Variants in HRH1 observed in about 807,000 individuals in gnomAD.
HRH1 encodes the protein histamine H1 receptor.
A neutral mutation model predicts 10.3 loss-of-function variants in HRH1; 6 were observed. That is an observed-to-expected ratio of 0.58 (90% confidence interval 0.32 to 1.15). The LOEUF is 1.15. Ranked by LOEUF, HRH1 falls within the 50% of genes most tolerant of loss-of-function variation. HRH1 has a pLI of 0.05. For missense variants in HRH1, 514 were observed against 615.3 expected, an observed-to-expected ratio of 0.84 and a Z score of 1.74; for synonymous variants, 242 against 236.7, an observed-to-expected ratio of 1.02 and a Z score of -0.21.
chr3:11,259,589 C>T lies in HRH1; in HGVS notation c.552C>T (p.Phe184=), dbSNP rs1446205896. ...VRREDKCETD[F]YDVTWFKVMT... ...GAGAGGACAAGTGTGAGACAGACTT[C>T]TATGATGTCACCTGGTTCAAGGTCA... Residue 184 remains phenylalanine, a synonymous_variant, in exon 2 of 2, where the codon TTC becomes TTT. Transcript: ENST00000431010. This position sits in a 1 kb window ranked among gnomAD's most constrained non-coding sequence, Gnocchi z 4.6. 7 of 1,614,026 alleles carry T rather than the reference C, an allele frequency of 4.3e-6. No individual in the cohort carries two copies. Among genetic ancestry groups the T allele is most frequent in the Non-Finnish European group, 5.9e-6 (7 of 1,180,030 alleles).
chr3:11,140,485 C>T (rs891399808), intron 1 of HRH1, among the ~76,000 whole-genome samples: 7 of 152,114 alleles, frequency 4.6e-5, no homozygotes, highest in Non-Finnish European at 1.0e-4. Context: ...CTATGTTCAC[C>T]TCTTTGCCCT....
intron 1 of HRH1, among the ~76,000 whole-genome samples, chr3:11,180,020 C>A (rs1303104537): frequency 1.3e-5 from 2 of 152,110 alleles, no homozygotes; most frequent in African/African-American, 4.8e-5. Flanking sequence ...GCCTTGGCCT[C>A]CCAAAGCGCT....
At chr3:11,243,103 G>A (rs754612954) in intron 1 of HRH1, among the ~76,000 whole-genome samples, 31 of 152,122 alleles carry the variant, frequency 2.0e-4, no homozygotes, top group Non-Finnish European at 3.1e-4. Flanking sequence ...TAGTGGAGAC[G>A]GGGTTTCGCA....
At chr3:11,247,816 G>T (rs745694631) in intron 1 of HRH1, among the ~76,000 whole-genome samples, 2 of 152,114 alleles carry the variant, frequency 1.3e-5, no homozygotes, top group Non-Finnish European at 2.9e-5. Context: ...TGAATAAGGT[G>T]GGGGGGAACT....
At chr3:11,162,668 T>G in intron 1 of HRH1, among the ~76,000 whole-genome samples, 1 of 151,948 alleles carries the variant, frequency 6.6e-6, no homozygotes, top group Non-Finnish European at 1.5e-5. Context: ...ATTGCTGTCA[T>G]CCAGATGGGA....
intron 1 of HRH1, among the ~76,000 whole-genome samples, chr3:11,216,269 A>G (rs1033032214): frequency 1.3e-5 from 2 of 152,212 alleles, no homozygotes; most frequent in Non-Finnish European, 2.9e-5. Flanking sequence ...TCCGTTTCTC[A>G]GTATATACCC....
At chr3:11,247,522 G>A (rs1939521225) in intron 1 of HRH1, among the ~76,000 whole-genome samples, 3 of 152,130 alleles carry the variant, frequency 2.0e-5, no homozygotes, top group South Asian at 2.1e-4. Context: ...TCTATTAGGC[G>A]GGAAGGAAGA....
At chr3:11,188,789 A>G (rs563736056) in intron 1 of HRH1, among the ~76,000 whole-genome samples, 64 of 152,298 alleles carry the variant, frequency 4.2e-4, no homozygotes, top group African/African-American at 1.5e-3. Context: ...TGTTTAGTGA[A>G]AAGTAGAGGA....
chr3:11,160,829 A>G (rs1574980978), intron 1 of HRH1, among the ~76,000 whole-genome samples: 1 of 152,220 alleles, frequency 6.6e-6, no homozygotes, highest in African/African-American at 2.4e-5. Context: ...ATAACTGACT[A>G]TCAGACAGGG....
chr3:11,238,618 G>T (rs1310473295), intron 1 of HRH1, among the ~76,000 whole-genome samples: 1 of 152,182 alleles, frequency 6.6e-6, no homozygotes, highest in African/African-American at 2.4e-5. Flanking sequence ...GTTAGTAAAT[G>T]TACAGAGTTG....
chr3:11,225,315 T>TA (rs1373940993), intron 1 of HRH1, among the ~76,000 whole-genome samples: 1 of 152,192 alleles, frequency 6.6e-6, no homozygotes, highest in African/African-American at 2.4e-5. Context: ...TTTTTGACAA[T>TA]GTGAGAACCA....
chr3:11,144,426 TACATATAG>T (rs1422180828), intron 1 of HRH1, among the ~76,000 whole-genome samples: 1 of 149,958 alleles, frequency 6.7e-6, no homozygotes, highest in African/African-American at 2.4e-5. Context: ...TAGGTATATA[TACATATAG>T]ACATATAGAC....
At chr3:11,234,372 G>A in intron 1 of HRH1, 1 of 1,602,684 alleles carries the variant, frequency 6.2e-7, no homozygotes, top group Non-Finnish European at 8.5e-7. Context: ...TGGGGATAGA[G>A]GTCTGGGTAT....
intron 1 of HRH1, among the ~76,000 whole-genome samples, chr3:11,140,148 G>C (rs1321649745): frequency 2.0e-5 from 3 of 152,176 alleles, no homozygotes; most frequent in African/African-American, 7.2e-5. Flanking sequence ...CCGCGCAGCT[G>C]TTCTTAGCTG....
At chr3:11,154,491 C>CA (rs1248615146), upstream of HRH1, 5 of 384 alleles carry the variant, frequency 0.013, no homozygotes, top group African/African-American at 0.14. This position sits in a 1 kb window ranked among gnomAD's most constrained non-coding sequence, Gnocchi z 4.4. Context: ...GCCGCCCCCG[C>CA]GACACCCAGC....
chr3:11,154,927 T>C lies in HRH1; in HGVS notation c.-36+373T>C, dbSNP rs1230634158. On this transcript the variant is annotated intron_variant, in intron 1 of 1. Transcript: ENST00000431010. This position sits in a 1 kb window ranked among gnomAD's most constrained non-coding sequence, Gnocchi z 4.4. ...CAGGGTCTGAGTTCGCTGCTAACCGTAGTGCCAGCCCATTGGTTGAGTGCG... is the reference window on the plus strand; with the variant it reads ...CAGGGTCTGAGTTCGCTGCTAACCGCAGTGCCAGCCCATTGGTTGAGTGCG... Among the ~76,000 whole-genome samples, 1 of 152,186 alleles carries C rather than the reference T, an allele frequency of 6.6e-6. No individual in the cohort carries two copies. The highest frequency in any genetic ancestry group is 1.5e-5 in the Non-Finnish European group (1 of 68,024).
chr3:11,258,666 C>T (rs1402822264), intron 1 of HRH1, among the ~76,000 whole-genome samples: 1 of 152,186 alleles, frequency 6.6e-6, no homozygotes, highest in African/African-American at 2.4e-5. Flanking sequence ...CCCACCTTCC[C>T]AGAACATGTG....
intron 1 of HRH1, among the ~76,000 whole-genome samples, chr3:11,211,603 T>G (rs1379525815): frequency 1.3e-5 from 2 of 152,170 alleles, no homozygotes; most frequent in Non-Finnish European, 2.9e-5. Flanking sequence ...ACCGGGGCCT[T>G]CCTGGCTATG....
intron 1 of HRH1, among the ~76,000 whole-genome samples, chr3:11,184,983 C>T (rs111232295): frequency 0.012 from 1,794 of 150,266 alleles, 36 homozygotes; most frequent in African/African-American, 0.042. Flanking sequence ...GTTTAGCCAT[C>T]GGCTTTGTTT....
Sources: allele counts gnomAD v4.1 joint callset (sites outside exome capture counted in the v4.1 genomes callset), GRCh38; gene constraint gnomAD v4.1.1; non-coding constraint Gnocchi (gnomAD v3.1); transcripts MANE v1.5; gene names NCBI Gene and HGNC (gene_info 2026-07-23, HGNC 2026-07-21).